NR1H4: variants seen among roughly 807,000 people sequenced by gnomAD.
NR1H4 encodes nuclear receptor subfamily 1 group H member 4.
Under a neutral mutation model 58.5 loss-of-function variants are expected in NR1H4, and 23 were observed. That is an observed-to-expected ratio of 0.39 (90% CI 0.28 to 0.56). The LOEUF (loss-of-function observed/expected upper bound fraction) is 0.56, where lower values mean the gene tolerates loss of function less well. Ranked by LOEUF, NR1H4 falls within the 20% of genes least tolerant of loss-of-function variation. NR1H4 has a pLI of 0.58. For missense variants in NR1H4, 487 were observed against 576.9 expected, an observed-to-expected ratio of 0.84 and a Z score of 1.60; for synonymous variants, 214 against 198.0, an observed-to-expected ratio of 1.08 and a Z score of -0.68.
At chr12:100,532,007 T>C (rs890114417) in intron 4 of NR1H4, among the ~76,000 whole-genome samples, 1 of 152,160 alleles carries the variant, frequency 6.6e-6, no homozygotes, top group African/African-American at 2.4e-5. Context: ...GTGTGTCTGC[T>C]CTGCCGCAGT....
At chr12:100,530,850 T>C (rs915701336) in intron 4 of NR1H4, among the ~76,000 whole-genome samples, 3 of 152,132 alleles carry the variant, frequency 2.0e-5, no homozygotes, top group African/African-American at 7.2e-5. Flanking sequence ...TTCAAGACGA[T>C]CACTTGAGTA....
intron 1 of NR1H4, among the ~76,000 whole-genome samples, chr12:100,488,390 C>T (rs1953540383): frequency 6.6e-6 from 1 of 152,148 alleles, no homozygotes; most frequent in Non-Finnish European, 1.5e-5. Context: ...AAATGAGCTG[C>T]CCCATTTGTA....
chr12:100,529,897 G>A (rs1378527454), intron 4 of NR1H4, among the ~76,000 whole-genome samples: 3 of 152,160 alleles, frequency 2.0e-5, no homozygotes, highest in African/African-American at 7.2e-5. Context: ...TAAGAAATAT[G>A]CAGCTCTACA....
At chr12:100,486,446 T>C (rs910827177) in intron 1 of NR1H4, among the ~76,000 whole-genome samples, 7 of 152,114 alleles carry the variant, frequency 4.6e-5, no homozygotes, top group African/African-American at 1.7e-4. Flanking sequence ...CTGGAACATA[T>C]AGGGGAAAAA....
At chr12:100,501,287 A>T (rs1051385980) in intron 3 of NR1H4, among the ~76,000 whole-genome samples, 7 of 152,194 alleles carry the variant, frequency 4.6e-5, no homozygotes, top group African/African-American at 1.7e-4. Context: ...CCTCTCAGGG[A>T]AAGGATAGCT....
chr12:100,553,532 A>G (rs980811438), intron 9 of NR1H4, among the ~76,000 whole-genome samples: 18 of 152,284 alleles, frequency 1.2e-4, no homozygotes, highest in Non-Finnish European at 2.9e-5. Context: ...AAGCATGAAG[A>G]CATAAAAAGT....
At chr12:100,496,659 C>G (rs1035032092) in intron 3 of NR1H4, among the ~76,000 whole-genome samples, 1 of 152,148 alleles carries the variant, frequency 6.6e-6, no homozygotes, top group Non-Finnish European at 1.5e-5. Context: ...TTGTCCACGT[C>G]AGGAAGTGGT....
Position 100,493,311 on chromosome 12 carries a change from T to A in NR1H4, c.-13T>A, listed in dbSNP as rs369219711. 4 of 1,412,132 alleles carry A rather than the reference T, an allele frequency of 2.8e-6. No homozygotes were observed. Among genetic ancestry groups the A allele is most frequent in the Non-Finnish European group, 4.0e-6 (4 of 1,003,802 alleles). 87.5% of individuals were successfully genotyped at this position (1,412,132 alleles called of 1,614,324 possible). On this transcript the variant is annotated 5_prime_UTR_variant, in exon 3 of 11. The change creates a new upstream start codon in the 5' untranslated region. Transcript: ENST00000392986. ...CCACCATAAAGAAAGTGCATTTCAA[T>A]TGAAAAATTTGGATGGGATCAAAAA...
rs368975126 is a variant in NR1H4, at chr12:100,563,303, T to C, written c.1245T>C (p.Leu415=). 23 of 1,614,086 alleles carry C rather than the reference T, an allele frequency of 1.4e-5. No homozygotes were observed. In the African/African-American group the frequency reaches 2.9e-4, roughly 21 times the overall value. The change falls in exon 11 of 11, where the codon CTT becomes CTC. Residue 415 remains leucine (L), a synonymous_variant. Coordinates refer to ENST00000392986, the MANE Select transcript of NR1H4 (RefSeq NM_001206979.2). ...CAGTAGAGAAGCTTCAGGAGCCACT[T>C]CTTGATGTGCTACAAAAGTTGTGTA... ...REAVEKLQEP[L]LDVLQKLCKI... is the part of the protein sequence containing the mutation.
At chr12:100,509,285 C>G (rs1307879774) in intron 3 of NR1H4, among the ~76,000 whole-genome samples, 1 of 152,156 alleles carries the variant, frequency 6.6e-6, no homozygotes. Context: ...GTAAACTTTC[C>G]TATCTCTTAT....
chr12:100,520,983 G>A (rs960702226), intron 4 of NR1H4, among the ~76,000 whole-genome samples: 4 of 152,198 alleles, frequency 2.6e-5, no homozygotes, highest in Middle Eastern at 3.4e-3. Context: ...TATCTATTTT[G>A]TGGGACATTT....
intron 8 of NR1H4, among the ~76,000 whole-genome samples, chr12:100,537,849 G>A (rs561221173): frequency 6.6e-6 from 1 of 152,296 alleles, no homozygotes; most frequent in South Asian, 2.1e-4. Flanking sequence ...GAGTAGCTGG[G>A]ACTACAGGCA....
At chr12:100,560,541 G>A (rs1176075976) in intron 9 of NR1H4, among the ~76,000 whole-genome samples, 1 of 152,154 alleles carries the variant, frequency 6.6e-6, no homozygotes, top group Non-Finnish European at 1.5e-5. Context: ...TCCTGAGCCA[G>A]CGAGACCATG....
intron 1 of NR1H4, among the ~76,000 whole-genome samples, chr12:100,477,045 A>T (rs906100447): frequency 1.3e-5 from 2 of 152,178 alleles, no homozygotes; most frequent in African/African-American, 2.4e-5. Flanking sequence ...TCATTATTAC[A>T]TACAAATATT....
intron 4 of NR1H4, among the ~76,000 whole-genome samples, chr12:100,518,788 CTTTT>C (rs34055370): frequency 3.4e-5 from 4 of 119,268 alleles, no homozygotes; most frequent in Admixed American, 8.9e-5. Flanking sequence ...TGACCAATGA[CTTTT>C]TTTTTTTTTT....
chr12:100,559,975 G>A (rs554705908), intron 9 of NR1H4, among the ~76,000 whole-genome samples: 22 of 152,298 alleles, frequency 1.4e-4, no homozygotes, highest in Non-Finnish European at 2.5e-4. Context: ...CTCTGGTGGG[G>A]CCTTGGAGAA....
At chr12:100,517,668 C>G (rs997157881) in intron 4 of NR1H4, among the ~76,000 whole-genome samples, 1 of 152,190 alleles carries the variant, frequency 6.6e-6, no homozygotes, top group African/African-American at 2.4e-5. Context: ...GTTGACTTTT[C>G]TCTACATCCT....
intron 10 of NR1H4, among the ~76,000 whole-genome samples, chr12:100,562,250 C>CTT (rs2136328287): frequency 6.6e-6 from 1 of 152,202 alleles, no homozygotes; most frequent in Non-Finnish European, 1.5e-5. Flanking sequence ...ATGCTAAGCA[C>CTT]CGGGGATGCA....
At chr12:100,499,665 C>A (rs1239391295) in intron 3 of NR1H4, among the ~76,000 whole-genome samples, 1 of 152,082 alleles carries the variant, frequency 6.6e-6, no homozygotes, top group Non-Finnish European at 1.5e-5. Context: ...AGCTCTCAAC[C>A]CTGCAGGCTA....
Sources: allele counts gnomAD v4.1 joint callset (sites outside exome capture counted in the v4.1 genomes callset), GRCh38; gene constraint gnomAD v4.1.1; transcripts MANE v1.5; gene names NCBI Gene and HGNC (gene_info 2026-07-23, HGNC 2026-07-21).